UNC13A: variants seen among roughly 807,000 people sequenced by gnomAD.
The protein encoded by UNC13A is protein unc-13 homolog A.
A neutral mutation model predicts 219.7 loss-of-function variants in UNC13A; 61 were observed. The observed-to-expected ratio is 0.28, with a 90% CI of 0.23 to 0.34. The LOEUF is 0.34. Among genes scored for constraint, UNC13A ranks in the 10% least tolerant of loss-of-function variants. UNC13A has a pLI of 1.00. For synonymous variants in UNC13A, 920 were observed against 884.6 expected, an observed-to-expected ratio of 1.04 and a Z score of -0.71; for missense variants, 1,476 against 2,270.3, an observed-to-expected ratio of 0.65 and a Z score of 7.11.
chr19:17,660,879 T>C (rs1420269069), intron 8 of UNC13A, among the ~76,000 whole-genome samples: 1 of 152,076 alleles, frequency 6.6e-6, no homozygotes, highest in Non-Finnish European at 1.5e-5. Flanking sequence ...TTGGTTGTTA[T>C]CGAGCTTGCC....
chr19:17,666,430 G>T (rs544958901), intron 7 of UNC13A, among the ~76,000 whole-genome samples: 1 of 152,158 alleles, frequency 6.6e-6, no homozygotes, highest in Admixed American at 6.5e-5. Flanking sequence ...GGCCAGGCTG[G>T]TCTCGAACTC....
At chr19:17,611,902 C>CTCCTGGTGGGTGGGAA in intron 41 of UNC13A, 47 bp from the exon 42 acceptor site, 2 of 1,568,824 alleles carry the variant, frequency 1.3e-6, no homozygotes, top group Non-Finnish European at 1.8e-6. Context: ...TGTTCTTTCC[C>CTCCTGGTGGGTGGGAA]ACCCACCAGG....
At chr19:17,630,824 C>T in intron 28 of UNC13A, 74 bp from the exon 29 acceptor site, 1 of 1,392,868 alleles carries the variant, frequency 7.2e-7, no homozygotes, top group Non-Finnish European at 1.0e-6. Context: ...GGTTCTGACC[C>T]ACTAACGAGT....
At chr19:17,676,382 CCT>C (rs1751256907) in intron 1 of UNC13A, among the ~76,000 whole-genome samples, 1 of 151,972 alleles carries the variant, frequency 6.6e-6, no homozygotes, top group South Asian at 2.1e-4. Flanking sequence ...CCCTGCATCC[CCT>C]GTCCCCATCA....
In UNC13A at chr19:17,608,988, G is replaced by A. The variant is rs796932125; in HGVS notation, c.4811+952C>T. 5.1e-5 allele frequency among the ~76,000 whole-genome samples: 6 copies of A among 118,166 alleles called. No homozygotes were observed. The East Asian group carries it at 1.1e-3, about 21-fold the overall frequency. 77.5% of individuals were successfully genotyped at this position (118,166 alleles called of 152,430 possible). A position where few individuals can be genotyped will look rare whatever the true frequency, so the allele number is the denominator to read the frequency against. On this transcript the variant is annotated intron_variant, in intron 43 of 43. Coordinates refer to ENST00000519716, the MANE Select transcript of UNC13A (RefSeq NM_001080421.3). ...TTTTTTTTTTTTGAGGTGGAGTTTCGCTTTTGTTGCCCAGGCTGGAGTGCA... is the reference window on the plus strand; with the variant it reads ...TTTTTTTTTTTTGAGGTGGAGTTTCACTTTTGTTGCCCAGGCTGGAGTGCA...
intron 43 of UNC13A, among the ~76,000 whole-genome samples, chr19:17,608,470 A>G (rs2076563623): frequency 7.2e-6 from 1 of 139,196 alleles, no homozygotes; most frequent in Admixed American, 7.8e-5. Flanking sequence ...ATAAATACAT[A>G]TTTTATATAT....
intron 42 of UNC13A, among the ~76,000 whole-genome samples, 161 bp downstream of exon 42, chr19:17,611,602 A>G (rs576457970): frequency 6.6e-6 from 1 of 152,344 alleles, no homozygotes; most frequent in South Asian, 2.1e-4. Context: ...AAAACTGTTT[A>G]CACTGCTGGA....
chr19:17,647,559 A>T (rs4808675), intron 16 of UNC13A, 67 bp from the exon 17 acceptor site: 2 of 1,479,450 alleles, frequency 1.4e-6, no homozygotes, highest in Admixed American at 3.9e-5. Context: ...CCAAGGCGAG[A>T]GCCCCGCCCC....
rs1033396183 is a variant in UNC13A, at chr19:17,674,195, G to T, written c.152+462C>A. ...TGCAAGGGCCCTGGGGCAAGAACAA[G>T]CTGGGAAGTGTTGGAGAAAGGGGCA... On this transcript the variant is annotated intron_variant, in intron 3 of 43. Transcript: ENST00000519716. The surrounding 1 kb of genome is among the most constrained non-coding windows in gnomAD (Gnocchi z 5.0). Among the ~76,000 whole-genome samples the T allele has an allele frequency of 6.6e-6, 1 of 152,208 alleles. No individual in the cohort carries two copies. The highest frequency in any genetic ancestry group is 6.5e-5 in the Admixed American group (1 of 15,272).
chr19:17,655,224 G>T (rs1484472869), intron 11 of UNC13A, 50 bp downstream of exon 11: 2 of 1,452,484 alleles, frequency 1.4e-6, no homozygotes, highest in East Asian at 4.9e-5. Flanking sequence ...CCTGCCATTG[G>T]GCGTGGCCTG....
intron 36 of UNC13A, among the ~76,000 whole-genome samples, chr19:17,622,144 G>A (rs1156615356): frequency 6.6e-6 from 1 of 152,096 alleles, no homozygotes; most frequent in East Asian, 1.9e-4. Flanking sequence ...CAGAAAGAAG[G>A]GAAAAAAGCC....
At chr19:17,645,625 G>A in intron 19 of UNC13A, 49 bp downstream of exon 19, 1 of 1,608,068 alleles carries the variant, frequency 6.2e-7, no homozygotes, top group African/African-American at 1.3e-5. Context: ...TGCTCTGGCT[G>A]GATCCCTGGG....
Position 17,626,747 on chromosome 19 carries a change from C to A in UNC13A, c.3959G>T (p.Gly1320Val). 1 of 1,612,494 alleles carries A rather than the reference C, an allele frequency of 6.2e-7. No individual in the cohort carries two copies. The change falls in exon 34 of 44, where the codon GGT (glycine) becomes GTT (valine). Residue 1320 changes from glycine to valine, a missense_variant. Physicochemically the swap from Gly to Val is moderately radical, Grantham distance 109. Coordinates refer to ENST00000519716, the MANE Select transcript of UNC13A (RefSeq NM_001080421.3). ...GCCCTTAACCTGGCTAAGGATGTCA[C>A]CCATCTGTTTGACACACTCTTCAAT... ...PHIEECVKQM[G>V]DILSQVKGTG...
chr19:17,648,886 C>T, intron 15 of UNC13A, 26 bp downstream of exon 15: 4 of 1,571,674 alleles, frequency 2.5e-6, no homozygotes, highest in Non-Finnish European at 3.5e-6. Flanking sequence ...ATCCCTGACC[C>T]GGGGAAAAAG....
chr19:17,681,371 T>TA (rs1167821247), intron 1 of UNC13A, among the ~76,000 whole-genome samples: 1 of 151,858 alleles, frequency 6.6e-6, no homozygotes, highest in Non-Finnish European at 1.5e-5. Flanking sequence ...AATCCAGAAA[T>TA]AGATTATAGG....
chr19:17,630,835 G>A (rs913470626), intron 28 of UNC13A, 85 bp from the exon 29 acceptor site: 1 of 1,263,200 alleles, frequency 7.9e-7, no homozygotes, highest in African/African-American at 1.5e-5. Context: ...ACTAACGAGT[G>A]GAGCTATGGC....
chr19:17,668,283 C>T, intron 5 of UNC13A, 93 bp from the exon 6 acceptor site: 1 of 1,239,224 alleles, frequency 8.1e-7, no homozygotes, highest in Non-Finnish European at 1.1e-6. Context: ...CGGGCCCTGG[C>T]TTCTGGGGTC....
chr19:17,658,317 A>C, intron 8 of UNC13A, 48 bp from the exon 9 acceptor site: 8 of 1,545,296 alleles, frequency 5.2e-6, no homozygotes, highest in South Asian at 1.2e-5. Context: ...GAGAGAGTGC[A>C]CATGATGGGA....
intron 29 of UNC13A, 26 bp from the exon 30 acceptor site, chr19:17,630,314 AAGG>A: frequency 1.3e-6 from 2 of 1,557,138 alleles, no homozygotes; most frequent in African/African-American, 1.4e-5. Context: ...GGCCAAGAGG[AAGG>A]AGGAGATCAG....
Sources: gnomAD v4.1 joint callset for allele counts (sites outside exome capture counted in the v4.1 genomes callset) on GRCh38, gnomAD v4.1.1 for gene constraint, Gnocchi (gnomAD v3.1) non-coding constraint, MANE v1.5 for transcripts, NCBI Gene and HGNC (gene_info 2026-07-23, HGNC 2026-07-21) for gene names.